FAM156A: variants seen among roughly 807,000 people sequenced by gnomAD.
FAM156A encodes the protein protein FAM156A/FAM156B.
chrX:52,976,341 G>A (rs1341484802), intron 1 of FAM156A, among the ~76,000 whole-genome samples: 6 of 110,715 alleles, frequency 5.4e-5, no homozygotes, highest in Non-Finnish European at 1.1e-4. Context: ...CTACTCGGGA[G>A]GCTGAGGCAG....
chrX:52,993,046 C>G (rs1214292106), intron 1 of FAM156A, among the ~76,000 whole-genome samples: 4 of 111,479 alleles, frequency 3.6e-5, no homozygotes, highest in African/African-American at 9.8e-5. Context: ...CTCTGAGCCT[C>G]AGGTCCTTCA....
chrX:52,994,988 G>A (rs1556796354), intron 1 of FAM156A, among the ~76,000 whole-genome samples: 1 of 110,004 alleles, frequency 9.1e-6, no homozygotes, highest in East Asian at 2.9e-4. Flanking sequence ...ACAAACAAGA[G>A]AAAAGAAAAG....
rs782311563 is a variant in FAM156A at position 52,979,843 on chromosome X, T to TG, written c.-434+15462dup. On this transcript the variant is annotated intron_variant, in intron 1 of 4. Coordinates refer to the FAM156A transcript ENST00000610625. The stretch of plus-strand genomic sequence containing the variant: ...AACATTGTGTCCTTCTCCATGTTAC[T>TG]GTGCTGTTTCCTCTGTACCGACTGC... Among the ~76,000 whole-genome samples, 258 of 112,743 alleles carry TG rather than the reference T, an allele frequency of 2.3e-3. 3 individuals carry two copies. Among genetic ancestry groups the TG allele is most frequent in the African/African-American group, 7.8e-3 (244 of 31,103 alleles).
At chrX:52,983,970 G>T (rs1052426104) in intron 1 of FAM156A, among the ~76,000 whole-genome samples, 1 of 111,969 alleles carries the variant, frequency 8.9e-6, no homozygotes, top group Non-Finnish European at 1.9e-5. Context: ...ATTTTAGTGA[G>T]TCAGGCTCAT....
At chrX:52,978,140 C>T (rs1362192542) in intron 1 of FAM156A, among the ~76,000 whole-genome samples, 1 of 111,364 alleles carries the variant, frequency 9.0e-6, no homozygotes, top group African/African-American at 3.3e-5. Context: ...TGCATTTAGG[C>T]TCCACGATAC....
intron 1 of FAM156A, among the ~76,000 whole-genome samples, chrX:52,979,513 C>T (rs782808033): frequency 9.0e-6 from 1 of 111,308 alleles, no homozygotes; most frequent in East Asian, 2.8e-4. Flanking sequence ...TCTCCCCTCT[C>T]CTCCCTCCAG....
At chrX:52,992,471 G>T (rs1340860224) in intron 1 of FAM156A, among the ~76,000 whole-genome samples, 1 of 111,603 alleles carries the variant, frequency 9.0e-6, no homozygotes, top group Non-Finnish European at 1.9e-5. Flanking sequence ...CCCAGGGGAG[G>T]TTCTGCAGGA....
At chrX:52,978,493 T>G (rs1346469324) in intron 1 of FAM156A, among the ~76,000 whole-genome samples, 1 of 112,128 alleles carries the variant, frequency 8.9e-6, no homozygotes, top group Non-Finnish European at 1.9e-5. Context: ...CACAGAGATG[T>G]TAAGGAACTT....
chrX:52,986,538 C>A (rs1930300141), intron 1 of FAM156A, among the ~76,000 whole-genome samples: 1 of 110,462 alleles, frequency 9.1e-6, no homozygotes, highest in Admixed American at 9.7e-5. Context: ...GTTCAATATT[C>A]AAAAATGTGT....
Position 52,988,412 on chromosome X carries a change from C to T in FAM156A, c.-434+6894G>A, listed in dbSNP as rs1484121455. ...AAGAGAACAGATCCGTGGGTGCCAG[C>T]GCTTAGGGGTGGGAGAAGGAAGTGA... On this transcript the variant is annotated intron_variant, in intron 1 of 4. Coordinates refer to the FAM156A transcript ENST00000610625. 4.5e-5 allele frequency among the ~76,000 whole-genome samples: 5 copies of T among 110,334 alleles called. No homozygotes were observed. In the East Asian group the frequency reaches 1.4e-3, roughly 31 times the overall value.
chrX:52,985,803 T>C (rs1930233105), intron 1 of FAM156A, among the ~76,000 whole-genome samples: 1 of 110,518 alleles, frequency 9.0e-6, no homozygotes, highest in African/African-American at 3.3e-5. Context: ...TGGCCAGCTG[T>C]GGTGGCTCAT....
intron 1 of FAM156A, among the ~76,000 whole-genome samples, chrX:52,985,920 AAAT>A (rs199842825): frequency 3.5e-4 from 39 of 110,362 alleles, no homozygotes; most frequent in African/African-American, 1.2e-3. Flanking sequence ...TACTAAAAAA[AAAT>A]AATAATAATA....
chrX:52,988,017 G>A (rs1409251566), intron 1 of FAM156A, among the ~76,000 whole-genome samples: 1 of 111,702 alleles, frequency 9.0e-6, no homozygotes, highest in Non-Finnish European at 1.9e-5. Context: ...TTGGGAGGCC[G>A]AGGCGGGCGG....
intron 1 of FAM156A, among the ~76,000 whole-genome samples, chrX:52,988,557 C>A (rs782758592): frequency 3.6e-5 from 4 of 111,887 alleles, no homozygotes; most frequent in East Asian, 2.8e-4. Context: ...CAGAACTATA[C>A]CTCAAGTGTC....
chrX:52,992,220 C>A (rs1289186219), intron 1 of FAM156A, among the ~76,000 whole-genome samples: 1 of 110,515 alleles, frequency 9.0e-6, no homozygotes, highest in South Asian at 3.9e-4. Flanking sequence ...TTCTATGAAG[C>A]CTGCCAGGCC....
chrX:52,983,584 T>A (rs1930056304), intron 1 of FAM156A, among the ~76,000 whole-genome samples: 1 of 107,675 alleles, frequency 9.3e-6, no homozygotes, highest in Admixed American at 9.7e-5. Context: ...AGAGAACTGA[T>A]ATAATTTTTT....
chrX:52,989,782 C>T, intron 1 of FAM156A, among the ~76,000 whole-genome samples: 1 of 112,061 alleles, frequency 8.9e-6, no homozygotes, highest in Non-Finnish European at 1.9e-5. Context: ...GGGTTGGTGG[C>T]CTTTTCCTGA....
chrX:52,989,369 G>A (rs782472328), intron 1 of FAM156A, among the ~76,000 whole-genome samples: 10 of 112,263 alleles, frequency 8.9e-5, no homozygotes, highest in African/African-American at 2.3e-4. Context: ...TGAGGTGGCC[G>A]CATCTGTCCT....
intron 1 of FAM156A, among the ~76,000 whole-genome samples, chrX:52,982,385 C>T (rs781886950): frequency 2.7e-4 from 30 of 111,322 alleles, no homozygotes; most frequent in African/African-American, 7.8e-4. Context: ...GCCTGGAAGG[C>T]GGAGGTTATA....
Sources: gnomAD v4.1 joint callset for allele counts (sites outside exome capture counted in the v4.1 genomes callset) on GRCh38, gnomAD v4.1.1 for gene constraint, MANE v1.5 for transcripts, NCBI Gene and HGNC (gene_info 2026-07-23, HGNC 2026-07-21) for gene names.